Variants in CCDC3 observed in about 807,000 individuals in gnomAD.
The protein encoded by CCDC3 is coiled-coil domain containing 3.
A neutral mutation model predicts 21.4 loss-of-function variants in CCDC3; 24 were observed. The observed-to-expected ratio is 1.12, with a 90% CI of 0.81 to 1.58. The LOEUF (loss-of-function observed/expected upper bound fraction) is 1.58. Ranked by LOEUF, CCDC3 falls within the 40% of genes most tolerant of loss-of-function variation. The probability of loss-of-function intolerance (pLI) is 0.00; values close to 1 mark genes in which losing one functional copy is unlikely to be tolerated. For synonymous variants in CCDC3, 186 were observed against 166.0 expected, an observed-to-expected ratio of 1.12 and a Z score of -0.93; for missense variants, 425 against 360.9, an observed-to-expected ratio of 1.18 and a Z score of -1.44.
intron 3 of CCDC3, among the ~76,000 whole-genome samples, chr10:13,082,688 C>G (rs911050664): frequency 6.6e-6 from 1 of 152,228 alleles, no homozygotes; most frequent in Non-Finnish European, 1.5e-5. Context: ...TTCCCAGGCA[C>G]TGGTGTTACC....
chr10:12,998,826 G>A (rs2131286122), intron 1 of CCDC3, among the ~76,000 whole-genome samples: 1 of 152,096 alleles, frequency 6.6e-6, no homozygotes, highest in Non-Finnish European at 1.5e-5. Flanking sequence ...TTATTTCCTG[G>A]TGAAAAAAAG....
rs1836713639 is a variant in CCDC3 at position 13,058,646 on chromosome 10, C to T, written c.-269-8705G>A. Reference sequence around the variant, plus strand: ...GTCACTTGGTATCTCTTCAAGTTGGCCTTATTTTTAACAACTTTAACAAAC... The same window carrying T: ...GTCACTTGGTATCTCTTCAAGTTGGTCTTATTTTTAACAACTTTAACAAAC... On this transcript the variant is annotated intron_variant, in intron 4 of 6. Transcript: ENST00000378839. 5.5e-6 allele frequency: 3 copies of T among 549,780 alleles called. No individual in the cohort carries two copies. In the South Asian group the frequency reaches 7.2e-5, roughly 13 times the overall value. The allele number at this position is 549,780 out of a possible 1,614,324, so 34.1% of individuals were successfully genotyped here. A position where few individuals can be genotyped will look rare whatever the true frequency, so the allele number is the denominator to read the frequency against.
intron 2 of CCDC3, among the ~76,000 whole-genome samples, chr10:12,992,847 G>A (rs377590461): frequency 2.0e-5 from 3 of 152,292 alleles, no homozygotes. Flanking sequence ...AAGGAAACTA[G>A]TAACAGTGGC....
At position 12,919,586 on chromosome 10, in the gene CCDC3, T is replaced by TTA. The variant is rs368084819; in HGVS notation, c.550-20908_550-20907insTA. 1.6e-3 allele frequency among the ~76,000 whole-genome samples: 205 copies of TTA among 130,904 alleles called. 2 individuals carry two copies. Among genetic ancestry groups the TTA allele is most frequent in the African/African-American group, 4.7e-3 (164 of 35,102 alleles). The allele number at this position is 130,904 out of a possible 152,430, so 85.9% of individuals were successfully genotyped here. ...GCCTGGGCTACAGAGCAAGACTGTC[T>TTA]AAAAAAAAAAAAAAAAAAGAAATGA... is the stretch of plus-strand genomic sequence containing the variant. On this transcript the variant is annotated intron_variant, in intron 2 of 2. Coordinates refer to ENST00000378825, the MANE Select transcript of CCDC3 (RefSeq NM_031455.4).
intron 5 of CCDC3, among the ~76,000 whole-genome samples, chr10:13,014,061 G>C (rs1421601092): frequency 6.6e-6 from 1 of 152,052 alleles, no homozygotes; most frequent in Non-Finnish European, 1.5e-5. Context: ...TGAGGCAGGA[G>C]ACTCACTTGA....
At chr10:12,905,733 T>C (rs543019931) in intron 2 of CCDC3, among the ~76,000 whole-genome samples, 11 of 152,318 alleles carry the variant, frequency 7.2e-5, no homozygotes, top group Admixed American at 6.5e-4. Flanking sequence ...CGACTGACTG[T>C]TTCTAAAATG....
At chr10:12,943,304 C>T (rs1343751300) in intron 2 of CCDC3, among the ~76,000 whole-genome samples, 1 of 152,074 alleles carries the variant, frequency 6.6e-6, no homozygotes, top group Non-Finnish European at 1.5e-5. Flanking sequence ...ATGGAACCCC[C>T]ATCTTGGCCA....
In CCDC3 at chr10:13,018,925, G is replaced by A. The variant is rs924306661; in HGVS notation, c.-1-20413C>T. On this transcript the variant is annotated intron_variant, in intron 5 of 6. Transcript: ENST00000378839. ...GCACTCCAGCCTAGATGACAAGAGC[G>A]GAACTCTGTCTCAAAAAAGGAAAAA... Among the ~76,000 whole-genome samples the A allele has an allele frequency of 8.9e-5, 13 of 146,880 alleles. No homozygotes were observed. In the East Asian group the frequency reaches 2.1e-3, roughly 23 times the overall value.
At chr10:12,964,806 T>C (rs1835237353) in intron 2 of CCDC3, among the ~76,000 whole-genome samples, 2 of 152,202 alleles carry the variant, frequency 1.3e-5, no homozygotes, top group African/African-American at 2.4e-5. Context: ...ATTAAGAACA[T>C]GCAGGCATTA....
chr10:12,988,359 T>G (rs927004667), intron 2 of CCDC3, among the ~76,000 whole-genome samples: 9 of 152,298 alleles, frequency 5.9e-5, no homozygotes, highest in African/African-American at 2.2e-4. Context: ...TTACCTTTTT[T>G]TTTTGAGACA....
chr10:13,093,331 T>C (rs1288067768), intron 3 of CCDC3, among the ~76,000 whole-genome samples: 5 of 152,112 alleles, frequency 3.3e-5, no homozygotes, highest in Non-Finnish European at 5.9e-5. Flanking sequence ...GTGAGACTTA[T>C]TCACTACCAT....
At chr10:13,087,361 G>A (rs889891172) in intron 3 of CCDC3, among the ~76,000 whole-genome samples, 30 of 149,216 alleles carry the variant, frequency 2.0e-4, no homozygotes, top group Admixed American at 6.8e-4. Flanking sequence ...CTGAGATTGC[G>A]CCATTGCACT....
intron 2 of CCDC3, among the ~76,000 whole-genome samples, chr10:12,948,129 CATT>C (rs975667150): frequency 3.9e-5 from 6 of 152,070 alleles, no homozygotes; most frequent in African/African-American, 1.2e-4. Context: ...ATGCTGTTCT[CATT>C]ATATAAGTCC....
rs371973372 is a variant in CCDC3, at chr10:13,067,572, T to C, written c.-270+6296A>G. 3.5e-4 allele frequency among the ~76,000 whole-genome samples: 54 copies of C among 152,278 alleles called. 1 individual carries two copies. Among genetic ancestry groups the C allele is most frequent in the African/African-American group, 1.3e-3 (52 of 41,558 alleles). ...TAGCAAACCTTGCTGCGGGCCTCCA[T>C]CTTGTTTTAGGGAGCATGACCTGTA... On this transcript the variant is annotated intron_variant, in intron 4 of 6. Transcript: ENST00000378839.
At chr10:13,090,038 T>TAGATAGATAG (rs1564345301) in intron 3 of CCDC3, among the ~76,000 whole-genome samples, 39 of 1,454 alleles carry the variant, frequency 0.027, 2 homozygotes, top group African/African-American at 0.029. Context: ...CCGTTAGATA[T>TAGATAGATAG]ATATATATAT....
At chr10:13,077,270 T>C (rs10906296) in intron 3 of CCDC3, among the ~76,000 whole-genome samples, 113,381 of 151,956 alleles carry the variant, frequency 0.75, 42,617 homozygotes, top group Middle Eastern at 0.83. Context: ...TTGCTTCAAA[T>C]AGAATAAAAT....
intron 2 of CCDC3, among the ~76,000 whole-genome samples, chr10:12,929,289 A>T (rs547687812): frequency 1.3e-5 from 2 of 151,074 alleles, no homozygotes; most frequent in African/African-American, 4.9e-5. Flanking sequence ...AAAAGAACAG[A>T]ATAGACCCCA....
intron 2 of CCDC3, among the ~76,000 whole-genome samples, chr10:12,931,891 T>C (rs989546776): frequency 5.9e-5 from 9 of 152,286 alleles, no homozygotes; most frequent in African/African-American, 2.2e-4. Context: ...CTCAGAGGAT[T>C]TGTGTATTTG....
chr10:13,021,737 T>C (rs776907779), intron 5 of CCDC3, among the ~76,000 whole-genome samples: 1 of 152,048 alleles, frequency 6.6e-6, no homozygotes, highest in Non-Finnish European at 1.5e-5. Context: ...CTTTTCCTAC[T>C]CCTCTCCTCT....
Sources: gnomAD v4.1 joint callset for allele counts (sites outside exome capture counted in the v4.1 genomes callset) on GRCh38, gnomAD v4.1.1 for gene constraint, MANE v1.5 for transcripts, NCBI Gene and HGNC (gene_info 2026-07-23, HGNC 2026-07-21) for gene names.